The following ABI3BP variants were observed in gnomAD, a reference collection of about 807,000 sequenced individuals.
ABI3BP encodes target of Nesh-SH3.
Under a neutral mutation model 268.6 loss-of-function variants are expected in ABI3BP, and 216 were observed. The ratio of observed to expected loss-of-function variants is 0.80; its 90% CI spans 0.72 to 0.90. The LOEUF (loss-of-function observed/expected upper bound fraction) is 0.90. Ranked by LOEUF, ABI3BP falls within the 40% of genes least tolerant of loss-of-function variation. ABI3BP has a pLI of 0.00. For synonymous variants in ABI3BP, 730 were observed against 730.0 expected (o/e 1.00, Z 0.00); for missense variants, 2,090 against 2,182.4 (o/e 0.96, Z 0.84).
At chr3:100,777,941 A>G (rs1198254143) in intron 59 of ABI3BP, among the ~76,000 whole-genome samples, 3 of 152,234 alleles carry the variant, frequency 2.0e-5, no homozygotes, top group Non-Finnish European at 4.4e-5. Flanking sequence ...AGTCAATGAC[A>G]AGTCATCACA....
At chr3:100,882,830 A>G (rs887620320) in intron 6 of ABI3BP, among the ~76,000 whole-genome samples, 14 of 152,208 alleles carry the variant, frequency 9.2e-5, no homozygotes, top group African/African-American at 3.4e-4. Context: ...AGGGAATGAA[A>G]GAAATGATAT....
At chr3:100,823,560 G>GTGTTCT in intron 36 of ABI3BP, 46 bp from the exon 37 acceptor site, 1 of 1,460,226 alleles carries the variant, frequency 6.8e-7, no homozygotes, top group Non-Finnish European at 9.2e-7. Flanking sequence ...AAACATATGA[G>GTGTTCT]AAGTTAGAAC....
Position 100,894,965 on chromosome 3 carries a change from A to AAAAAAAAAAAAAAAAAAAAAAAAAAC in ABI3BP, c.461+3796_461+3797insGTTTTTTTTTTTTTTTTTTTTTTTTT, listed in dbSNP as rs760156604. The stretch of plus-strand genomic sequence containing the variant: ...AAAAAAAAAAAAAAAAAAAAAAAAA[A>AAAAAAAAAAAAAAAAAAAAAAAAAAC]AACAGAAAAAAAAAACACAAGATGA... On this transcript the variant is annotated intron_variant, in intron 4 of 67. Transcript: ENST00000471714. Among the ~76,000 whole-genome samples, 106 of 120,852 alleles carry AAAAAAAAAAAAAAAAAAAAAAAAAAC rather than the reference A, an allele frequency of 8.8e-4. 11 individuals are homozygous for AAAAAAAAAAAAAAAAAAAAAAAAAAC. The highest frequency in any genetic ancestry group is 1.6e-3 in the Non-Finnish European group (83 of 51,368). 79.3% of individuals were successfully genotyped at this position (120,852 alleles called of 152,430 possible).
At chr3:100,832,589 T>C (rs2098512102) in intron 30 of ABI3BP, among the ~76,000 whole-genome samples, 2 of 152,130 alleles carry the variant, frequency 1.3e-5, no homozygotes. Flanking sequence ...GAAACTATCA[T>C]TATTTTCTTG....
chr3:100,930,779 C>T (rs1267529370), intron 1 of ABI3BP: 2 of 151,894 alleles, frequency 1.3e-5, no homozygotes, highest in African/African-American at 4.8e-5. Flanking sequence ...GAACTGGTAC[C>T]AATCCTACTG....
intron 59 of ABI3BP, among the ~76,000 whole-genome samples, chr3:100,775,802 C>CAAGA (rs2096684093): frequency 6.6e-6 from 1 of 151,980 alleles, no homozygotes; most frequent in African/African-American, 2.4e-5. Context: ...AGTGGAAGGG[C>CAAGA]AAGGAAGGGC....
At chr3:100,972,712 A>G (rs1210823458) in intron 1 of ABI3BP, among the ~76,000 whole-genome samples, 3 of 152,198 alleles carry the variant, frequency 2.0e-5, no homozygotes, top group Non-Finnish European at 4.4e-5. Context: ...TAAAACAGCA[A>G]TAACAGCATC....
At chr3:100,839,133 C>T (rs556146849) in intron 24 of ABI3BP, among the ~76,000 whole-genome samples, 8 of 152,174 alleles carry the variant, frequency 5.3e-5, no homozygotes, top group Admixed American at 2.0e-4. Context: ...ACAGAAGAGC[C>T]GAAGAAGCCA....
At chr3:100,876,862 C>A (rs1310113046) in intron 6 of ABI3BP, among the ~76,000 whole-genome samples, 1 of 151,946 alleles carries the variant, frequency 6.6e-6, no homozygotes, top group East Asian at 1.9e-4. Context: ...GTGGTGGGCG[C>A]CTGTAATCTC....
chr3:100,993,367 C>T lies in ABI3BP; in HGVS notation c.18G>A (p.Gly6=). The change falls in exon 1 of 68, where the codon GGG becomes GGA. Residue 6 remains glycine, a synonymous_variant. Transcript: ENST00000471714. MLSSL[G]CLLLCGSITL... ...TAATACTTCCACAGAGAAGTAGACA[C>T]CCCAAACTGGAGAGCATGTTGCATT... 6.4e-7 allele frequency: 1 copy of T among 1,553,286 alleles called. No homozygotes were observed. Among genetic ancestry groups the T allele is most frequent in the Admixed American group, 1.9e-5 (1 of 51,408 alleles).
At chr3:100,928,515 C>A (rs776245618) in intron 1 of ABI3BP, among the ~76,000 whole-genome samples, 1 of 152,028 alleles carries the variant, frequency 6.6e-6, no homozygotes, top group Admixed American at 6.6e-5. Context: ...TTCTTGGATA[C>A]CAAGTTGTGG....
At chr3:100,940,420 G>A (rs1028742660) in intron 1 of ABI3BP, among the ~76,000 whole-genome samples, 4 of 151,834 alleles carry the variant, frequency 2.6e-5, no homozygotes, top group African/African-American at 9.7e-5. Context: ...CCTCCGTTTG[G>A]GATCCCTGAC....
intron 51 of ABI3BP, among the ~76,000 whole-genome samples, chr3:100,801,707 A>T (rs2152351504): frequency 6.6e-6 from 1 of 152,310 alleles, no homozygotes; most frequent in South Asian, 2.1e-4. Flanking sequence ...ACAAAGAATA[A>T]AATTACATAG....
At chr3:100,865,419 A>C (rs1366796938) in intron 10 of ABI3BP, among the ~76,000 whole-genome samples, 1 of 152,214 alleles carries the variant, frequency 6.6e-6, no homozygotes, top group Admixed American at 6.5e-5. Context: ...CAAAGCTTGA[A>C]AATGAATTGA....
chr3:100,750,623 A>C lies in ABI3BP; in HGVS notation c.5246-13T>G. ...GCTCTGAAATAACCTGAGAGAGAAA[A>C]TAGTTTCATTTTAATAGCTGCTGTA... On this transcript the variant is annotated splice_polypyrimidine_tract_variant and intron_variant, in intron 67 of 67. Coordinates refer to ENST00000471714, the MANE Select transcript of ABI3BP (RefSeq NM_001375547.2). 6.3e-7 allele frequency: 1 copy of C among 1,591,502 alleles called. No homozygotes were observed. Among genetic ancestry groups the C allele is most frequent in the East Asian group, 2.2e-5 (1 of 44,612 alleles).
intron 1 of ABI3BP, among the ~76,000 whole-genome samples, chr3:100,950,810 T>C (rs993039082): frequency 2.6e-5 from 4 of 151,966 alleles, no homozygotes; most frequent in Non-Finnish European, 4.4e-5. Flanking sequence ...ATCATATGCA[T>C]GTACTTGATC....
At chr3:100,815,055 T>A (rs2097986480) in intron 44 of ABI3BP, among the ~76,000 whole-genome samples, 1 of 152,120 alleles carries the variant, frequency 6.6e-6, no homozygotes, top group African/African-American at 2.4e-5. Flanking sequence ...GCCATAGATT[T>A]TCGTTATTTC....
chr3:100,938,893 G>C (rs1391176621), intron 1 of ABI3BP, among the ~76,000 whole-genome samples: 24 of 152,048 alleles, frequency 1.6e-4, no homozygotes, highest in Admixed American at 1.6e-3. Flanking sequence ...TAGGTAAAAG[G>C]AATTAAATTG....
Position 100,824,915 on chromosome 3 carries a change from G to A in ABI3BP, c.2689C>T (p.Pro897Ser), listed in dbSNP as rs1031268804. The A allele has an allele frequency of 3.9e-6, 6 of 1,535,932 alleles. No individual in the cohort carries two copies. In the Admixed American group the frequency reaches 7.8e-5, roughly 20 times the overall value. The change falls in exon 36 of 68, where the codon CCT becomes TCT. Residue 897 changes from proline to serine, a missense_variant. Physicochemically the swap from Pro to Ser is moderately conservative, Grantham distance 74 (BLOSUM62 -1). Coordinates refer to ENST00000471714, the MANE Select transcript of ABI3BP (RefSeq NM_001375547.2). The stretch of plus-strand genomic sequence containing the variant: ...GTAGTTTTAGGTCTGGGACGTGGAG[G>A]GCGGGTTCTTTTTGATGTTTTGGTA... The part of the protein sequence containing the change: ...LATKTSKRTR[P>S]PRPRPKTTPS...
Sources: allele counts gnomAD v4.1 joint callset (sites outside exome capture counted in the v4.1 genomes callset), GRCh38; gene constraint gnomAD v4.1.1; transcripts MANE v1.5; gene names NCBI Gene and HGNC (gene_info 2026-07-23, HGNC 2026-07-21).